The following MAGI2 variants were observed in gnomAD, a reference collection of about 807,000 sequenced individuals.
MAGI2 encodes membrane-associated guanylate kinase, WW and PDZ domain-containing protein 2.
In MAGI2, 35 loss-of-function variants were observed where a neutral mutation model predicts 133.3. The observed-to-expected ratio is 0.26, with a 90% CI of 0.20 to 0.35. The LOEUF is 0.35. MAGI2 is among the 10% of genes least tolerant of loss of function. The pLI, the probability that MAGI2 is intolerant of heterozygous loss-of-function variation, is 1.00. For missense variants in MAGI2, 1,636 were observed against 1,863.4 expected (o/e 0.88, Z 2.25); for synonymous variants, 729 against 710.6 (o/e 1.03, Z -0.41).
chr7:79,041,798 GT>G (rs1331142698), intron 1 of MAGI2, among the ~76,000 whole-genome samples: 2 of 152,096 alleles, frequency 1.3e-5, no homozygotes, highest in African/African-American at 4.8e-5. Flanking sequence ...AATTAAATAT[GT>G]GTATATATAA....
At chr7:78,427,636 C>T (rs1236800832) in intron 6 of MAGI2, among the ~76,000 whole-genome samples, 1 of 129,934 alleles carries the variant, frequency 7.7e-6, no homozygotes, top group Admixed American at 8.6e-5. Flanking sequence ...ACCACTCTTT[C>T]AGTAACTGAG....
At chr7:79,006,977 C>T in intron 2 of MAGI2, 113 bp downstream of exon 2, 1 of 742,396 alleles carries the variant, frequency 1.3e-6, no homozygotes, top group Non-Finnish European at 2.1e-6. Context: ...GTTTTCTGTT[C>T]CAAAAGCCCA....
At chr7:78,824,735 T>C (rs371940530) in intron 2 of MAGI2, among the ~76,000 whole-genome samples, 5 of 152,184 alleles carry the variant, frequency 3.3e-5, no homozygotes, top group East Asian at 1.9e-4. Flanking sequence ...CTGTTCACAC[T>C]GCTGTTAGTT....
At chr7:78,739,497 G>C (rs1425547796) in intron 2 of MAGI2, among the ~76,000 whole-genome samples, 2 of 152,184 alleles carry the variant, frequency 1.3e-5, no homozygotes, top group African/African-American at 4.8e-5. Flanking sequence ...GATTAGCACT[G>C]TGAAACCAGA....
intron 6 of MAGI2, among the ~76,000 whole-genome samples, chr7:78,419,608 T>C (rs1275230937): frequency 2.0e-5 from 3 of 151,794 alleles, no homozygotes; most frequent in East Asian, 3.9e-4. Flanking sequence ...TGATTTTTTT[T>C]TTTTTTTTTT....
At chr7:79,110,500 C>G (rs1005863255) in intron 1 of MAGI2, among the ~76,000 whole-genome samples, 1 of 152,210 alleles carries the variant, frequency 6.6e-6, no homozygotes, top group Non-Finnish European at 1.5e-5. Flanking sequence ...GCTGATTTCT[C>G]TCTTTTGGAA....
intron 1 of MAGI2, among the ~76,000 whole-genome samples, chr7:79,325,929 T>C (rs1354805287): frequency 1.3e-5 from 2 of 152,118 alleles, no homozygotes; most frequent in Non-Finnish European, 2.9e-5. Context: ...ATTAACCACA[T>C]TGAGTGCTGG....
intron 16 of MAGI2, among the ~76,000 whole-genome samples, chr7:78,136,283 C>T (rs926727131): frequency 1.2e-4 from 19 of 152,086 alleles, no homozygotes; most frequent in African/African-American, 4.6e-4. Flanking sequence ...CCACGCCTGG[C>T]TAATTTTTTT....
chr7:78,038,188 T>C (rs1810433382), intron 21 of MAGI2, among the ~76,000 whole-genome samples: 1 of 152,232 alleles, frequency 6.6e-6, no homozygotes, highest in Non-Finnish European at 1.5e-5. Context: ...TGTTGCAATT[T>C]CAGCCCCTAA....
At chr7:79,226,866 C>G (rs1280835512) in intron 1 of MAGI2, among the ~76,000 whole-genome samples, 1 of 152,112 alleles carries the variant, frequency 6.6e-6, no homozygotes, top group Non-Finnish European at 1.5e-5. Context: ...TTTGAAATCT[C>G]ATTAAAAATA....
intron 9 of MAGI2, among the ~76,000 whole-genome samples, chr7:78,281,635 A>G (rs1400694805): frequency 6.6e-6 from 1 of 152,138 alleles, no homozygotes; most frequent in Non-Finnish European, 1.5e-5. Flanking sequence ...ATACACATAC[A>G]TACTCTCTCA....
At chr7:78,721,223 G>A (rs1464539025) in intron 2 of MAGI2, among the ~76,000 whole-genome samples, 2 of 151,886 alleles carry the variant, frequency 1.3e-5, no homozygotes, top group African/African-American at 4.8e-5. Flanking sequence ...TGGAATTTTT[G>A]TATAACATCT....
intron 2 of MAGI2, among the ~76,000 whole-genome samples, chr7:78,642,796 C>T (rs937369188): frequency 2.6e-5 from 4 of 152,114 alleles, no homozygotes; most frequent in Non-Finnish European, 4.4e-5. Flanking sequence ...TCTTTTTATA[C>T]CTTGAGTAAC....
intron 1 of MAGI2, among the ~76,000 whole-genome samples, chr7:79,150,510 T>C (rs1213797155): frequency 2.0e-5 from 3 of 152,232 alleles, no homozygotes; most frequent in African/African-American, 7.2e-5. Flanking sequence ...AAATTTATAC[T>C]TGTCAAATGA....
chr7:79,071,395 G>C (rs991578373), intron 1 of MAGI2, among the ~76,000 whole-genome samples: 1 of 152,000 alleles, frequency 6.6e-6, no homozygotes, highest in Non-Finnish European at 1.5e-5. Context: ...GCCCCTGCTG[G>C]GAGGTGTCTC....
Position 78,178,501 on chromosome 7 carries a change from C to G in MAGI2, c.2312-399G>C, listed in dbSNP as rs898633054. On this transcript the variant is annotated intron_variant, in intron 13 of 21. Transcript: ENST00000354212. Reference sequence around the variant, plus strand: ...TGCGCAAGTAAGAGAGAACAGATGGCAAAACCCTGGAACTGTCCAGTAAAG... The same window carrying G: ...TGCGCAAGTAAGAGAGAACAGATGGGAAAACCCTGGAACTGTCCAGTAAAG... Among the ~76,000 whole-genome samples the G allele has an allele frequency of 2.0e-5, 3 of 151,958 alleles. No homozygotes were observed. The East Asian group carries it at 5.8e-4, about 29-fold the overall frequency.
chr7:78,574,611 AT>A (rs1802074012), intron 3 of MAGI2, among the ~76,000 whole-genome samples: 1 of 152,216 alleles, frequency 6.6e-6, no homozygotes, highest in African/African-American at 2.4e-5. Context: ...TTAGATCTTG[AT>A]GCTGGATAAG....
intron 6 of MAGI2, among the ~76,000 whole-genome samples, chr7:78,370,574 T>G (rs552783820): frequency 6.6e-6 from 1 of 151,014 alleles, no homozygotes; most frequent in East Asian, 1.9e-4. Flanking sequence ...CCTTTTATTG[T>G]TTTTGACATA....
chr7:78,099,797 T>C (rs1818038832), intron 20 of MAGI2, among the ~76,000 whole-genome samples: 1 of 152,240 alleles, frequency 6.6e-6, no homozygotes, highest in Non-Finnish European at 1.5e-5. Flanking sequence ...GTGTAAGATT[T>C]ATTGCCACTT....
Sources: allele counts gnomAD v4.1 joint callset (sites outside exome capture counted in the v4.1 genomes callset), GRCh38; gene constraint gnomAD v4.1.1; transcripts MANE v1.5; gene names NCBI Gene and HGNC (gene_info 2026-07-23, HGNC 2026-07-21).